ENPP6: variants seen among roughly 807,000 people sequenced by gnomAD.
ENPP6 encodes ectonucleotide pyrophosphatase/phosphodiesterase 6.
Under a neutral mutation model 42.0 loss-of-function variants are expected in ENPP6, and 32 were observed. The ratio of observed to expected loss-of-function variants is 0.76; its 90% CI spans 0.58 to 1.02. ENPP6 has a LOEUF of 1.02. Among genes scored for constraint, ENPP6 ranks in the 50% least tolerant of loss-of-function variants. The pLI is 0.00. For missense variants in ENPP6, 552 were observed against 566.8 expected (o/e 0.97, Z 0.27); for synonymous variants, 213 against 216.0 (o/e 0.99, Z 0.12).
At chr4:184,215,904 T>G (rs568023621) in intron 1 of ENPP6, among the ~76,000 whole-genome samples, 3 of 152,282 alleles carry the variant, frequency 2.0e-5, no homozygotes, top group African/African-American at 4.8e-5. Context: ...ACGGAGGCTG[T>G]GTGCAAATTA....
intron 1 of ENPP6, among the ~76,000 whole-genome samples, chr4:184,202,743 G>A (rs184737224): frequency 3.9e-4 from 59 of 152,244 alleles, no homozygotes; most frequent in African/African-American, 7.9e-4. Flanking sequence ...TCAAGGCCAC[G>A]CACATGAGTG....
rs1736354030 is a variant in ENPP6, at chr4:184,118,005, T to G, written c.534-105A>C. 4 of 1,419,798 alleles carry G rather than the reference T, an allele frequency of 2.8e-6. No homozygotes were observed. In the East Asian group the frequency reaches 1.0e-4, roughly 36 times the overall value. The allele number at this position is 1,419,798 out of a possible 1,614,324, so 88.0% of individuals were successfully genotyped here. A position where few individuals can be genotyped will look rare whatever the true frequency, so the allele number is the denominator to read the frequency against. On this transcript the variant is annotated intron_variant, in intron 3 of 7. Coordinates refer to ENST00000296741, the MANE Select transcript of ENPP6 (RefSeq NM_153343.4). ...GAAGGTGTTCACGCCCCCCGAAACC[T>G]TGTCCCTGGGCCAGACAAAGCCAAT...
intron 5 of ENPP6, among the ~76,000 whole-genome samples, chr4:184,115,276 G>A (rs949524140): frequency 6.6e-6 from 1 of 152,118 alleles, no homozygotes; most frequent in Non-Finnish European, 1.5e-5. Flanking sequence ...CCCCCAGGAA[G>A]ACAGTTGCTT....
At chr4:184,131,192 TCTTTCTTTCTTC>T (rs1560987241) in intron 2 of ENPP6, among the ~76,000 whole-genome samples, 1 of 58,878 alleles carries the variant, frequency 1.7e-5, no homozygotes, top group African/African-American at 7.1e-5. Flanking sequence ...TTTCTTTCTT[TCTTTCTTTCTTC>T]TTTCTTTCTT....
intron 2 of ENPP6, among the ~76,000 whole-genome samples, chr4:184,133,999 A>G (rs1275420843): frequency 6.6e-6 from 1 of 151,884 alleles, no homozygotes; most frequent in Non-Finnish European, 1.5e-5. Flanking sequence ...ATGTATTGAT[A>G]GATTCAGGAT....
At chr4:184,115,805 T>C (rs534263364) in intron 5 of ENPP6, among the ~76,000 whole-genome samples, 1 of 152,248 alleles carries the variant, frequency 6.6e-6, no homozygotes, top group Admixed American at 6.5e-5. Context: ...TACCCTCTTG[T>C]TCCCCGACAG....
intron 3 of ENPP6, among the ~76,000 whole-genome samples, chr4:184,119,799 A>T (rs1224178480): frequency 1.3e-5 from 2 of 152,102 alleles, no homozygotes; most frequent in African/African-American, 4.8e-5. Flanking sequence ...TGATGGTTTT[A>T]TAAAGGGATT....
chr4:184,203,814 C>T (rs1732943314), intron 1 of ENPP6, among the ~76,000 whole-genome samples: 2 of 152,202 alleles, frequency 1.3e-5, no homozygotes, highest in African/African-American at 2.4e-5. Context: ...TCACCAGAAA[C>T]TCTCAGTGAG....
intron 1 of ENPP6, among the ~76,000 whole-genome samples, chr4:184,170,886 A>G (rs1297056469): frequency 6.6e-6 from 1 of 152,226 alleles, no homozygotes; most frequent in African/African-American, 2.4e-5. Context: ...ACCACCGATA[A>G]TCATCACCTA....
Position 184,097,318 on chromosome 4 carries a change from A to G in ENPP6, c.1044T>C (p.Gly348=), listed in dbSNP as rs1380782670. ...FWMNSTGRRE[G]WQRGWHGYDN... ...CGTAGCCGTGCCATCCACGCTGCCA[A>G]CCTTCCCGCCTGCCGGTGCTGTTCA... The change falls in exon 7 of 8, where the codon GGT becomes GGC. Residue 348 remains glycine (G), a synonymous_variant. Transcript: ENST00000296741. 2 of 1,614,092 alleles carry G rather than the reference A, an allele frequency of 1.2e-6. No homozygotes were observed. The highest frequency in any genetic ancestry group is 1.3e-5 in the African/African-American group (1 of 75,010).
intron 2 of ENPP6, among the ~76,000 whole-genome samples, chr4:184,130,558 AAACAAAACAAAAC>A (rs1419791459): frequency 1.3e-5 from 1 of 78,744 alleles, no homozygotes; most frequent in African/African-American, 4.1e-5. Context: ...ACTCCAAATC[AAACAAAACAAAAC>A]AAAAAAAAAA....
chr4:184,147,831 C>T (rs1222136916), intron 2 of ENPP6, among the ~76,000 whole-genome samples: 2 of 151,624 alleles, frequency 1.3e-5, no homozygotes, highest in Non-Finnish European at 2.9e-5. Flanking sequence ...CAGCTTGGCT[C>T]TTAGAGCCTG....
At chr4:184,144,063 C>T (rs930190186) in intron 2 of ENPP6, among the ~76,000 whole-genome samples, 1 of 152,212 alleles carries the variant, frequency 6.6e-6, no homozygotes, top group Non-Finnish European at 1.5e-5. Context: ...GCAGGGCCCC[C>T]CGGGCCCCCA....
intron 6 of ENPP6, among the ~76,000 whole-genome samples, chr4:184,107,430 CT>C (rs1371848633): frequency 6.6e-6 from 1 of 152,220 alleles, no homozygotes; most frequent in Non-Finnish European, 1.5e-5. Context: ...GGAAATCCAG[CT>C]GGTTTATTAA....
Position 184,088,726 on chromosome 4 carries a change from C to T in ENPP6, c.*2451G>A, listed in dbSNP as rs952883147. 2 of 152,168 alleles carry T rather than the reference C, an allele frequency of 1.3e-5. No homozygotes were observed. The highest frequency in any genetic ancestry group is 2.9e-5 in the Non-Finnish European group (2 of 68,032). 9.4% of individuals were successfully genotyped at this position (152,168 alleles called of 1,614,324 possible). A position where few individuals can be genotyped will look rare whatever the true frequency, so the allele number is the denominator to read the frequency against. ...ATATATGCATTATTTAAGTAAAAAGCTTTATTTTTTTCCCTCAGTGTCTGA... is the reference window on the plus strand; with the variant it reads ...ATATATGCATTATTTAAGTAAAAAGTTTTATTTTTTTCCCTCAGTGTCTGA... On this transcript the variant is annotated 3_prime_UTR_variant, in exon 8 of 8. Coordinates refer to ENST00000296741, the MANE Select transcript of ENPP6 (RefSeq NM_153343.4).
intron 5 of ENPP6, among the ~76,000 whole-genome samples, chr4:184,115,628 C>G (rs372839091): frequency 6.6e-6 from 1 of 152,284 alleles, no homozygotes; most frequent in East Asian, 1.9e-4. Flanking sequence ...ATATCCCTCA[C>G]AGCAGCCAGG....
intron 2 of ENPP6, among the ~76,000 whole-genome samples, chr4:184,127,836 A>G (rs1736530091): frequency 6.6e-6 from 1 of 152,238 alleles, no homozygotes; most frequent in East Asian, 1.9e-4. Context: ...TGGAAGAATA[A>G]GGTGTATACT....
intron 2 of ENPP6, among the ~76,000 whole-genome samples, chr4:184,124,655 T>C (rs2111352268): frequency 6.6e-6 from 1 of 152,360 alleles, no homozygotes; most frequent in Non-Finnish European, 1.5e-5. Context: ...TAGTGTACTT[T>C]TGCCTCTTCT....
At chr4:184,097,206 G>A in intron 7 of ENPP6, 39 bp downstream of exon 7, 1 of 1,612,900 alleles carries the variant, frequency 6.2e-7, no homozygotes, top group Non-Finnish European at 8.5e-7. Context: ...ACTTCCTTGG[G>A]AATGGGGTCT....
Sources: allele counts gnomAD v4.1 joint callset (sites outside exome capture counted in the v4.1 genomes callset), GRCh38; gene constraint gnomAD v4.1.1; transcripts MANE v1.5; gene names NCBI Gene and HGNC (gene_info 2026-07-23, HGNC 2026-07-21).